Variants in TP63 observed in about 807,000 individuals in gnomAD.
TP63 encodes tumor protein p63.
Under a neutral mutation model 82.8 loss-of-function variants are expected in TP63, and 17 were observed. That is an observed-to-expected ratio of 0.21 (90% CI 0.14 to 0.31). The LOEUF is 0.31. Ranked by LOEUF, TP63 falls within the 10% of genes least tolerant of loss-of-function variation. The pLI is 1.00. For synonymous variants in TP63, 330 were observed against 321.7 expected, an observed-to-expected ratio of 1.03 and a Z score of -0.28; for missense variants, 648 against 895.3, an observed-to-expected ratio of 0.72 and a Z score of 3.52.
chr3:189,677,299 T>C (rs1715491857), intron 1 of TP63, among the ~76,000 whole-genome samples: 1 of 104,174 alleles, frequency 9.6e-6, no homozygotes, highest in Non-Finnish European at 2.3e-5. Flanking sequence ...ACTATATAAA[T>C]GTTTTATATA....
chr3:189,867,152 G>C (rs1262312212), intron 6 of TP63, among the ~76,000 whole-genome samples: 2 of 152,168 alleles, frequency 1.3e-5, no homozygotes, highest in African/African-American at 4.8e-5. Context: ...GTTACCATAA[G>C]TGGGAAAGCC....
At chr3:189,828,735 G>C (rs1577051082) in intron 4 of TP63, among the ~76,000 whole-genome samples, 1 of 152,238 alleles carries the variant, frequency 6.6e-6, no homozygotes, top group African/African-American at 2.4e-5. Context: ...TTGCTGCTTT[G>C]AGCTTCAGTT....
intron 10 of TP63, among the ~76,000 whole-genome samples, chr3:189,876,383 ATAATC>A (rs1257058362): frequency 2.0e-5 from 3 of 152,248 alleles, no homozygotes; most frequent in African/African-American, 7.2e-5. Flanking sequence ...ATTTCATAAA[ATAATC>A]TGTGTCCCCA....
At chr3:189,664,887 G>A (rs1420156358) in intron 1 of TP63, among the ~76,000 whole-genome samples, 1 of 152,116 alleles carries the variant, frequency 6.6e-6, no homozygotes, top group East Asian at 1.9e-4. Context: ...AGCTGGTGGG[G>A]AGACAGTGTT....
intron 1 of TP63, among the ~76,000 whole-genome samples, chr3:189,673,876 T>TA (rs1329329703): frequency 6.6e-6 from 1 of 152,148 alleles, no homozygotes; most frequent in Non-Finnish European, 1.5e-5. Flanking sequence ...GTAATTGGCA[T>TA]AAACCCTGAA....
At chr3:189,637,228 C>T (rs1170139607) in intron 1 of TP63, among the ~76,000 whole-genome samples, 1 of 151,944 alleles carries the variant, frequency 6.6e-6, no homozygotes, top group African/African-American at 2.4e-5. Flanking sequence ...TCCACATAGA[C>T]AGTGACCTCA....
intron 4 of TP63, among the ~76,000 whole-genome samples, chr3:189,825,358 A>G (rs1729228878): frequency 6.6e-6 from 1 of 152,224 alleles, no homozygotes; most frequent in South Asian, 2.1e-4. Context: ...AAAAATGGTT[A>G]TCAATATGAA....
chr3:189,622,267 A>G, the TP63 span, among the ~76,000 whole-genome samples: 1 of 152,246 alleles, frequency 6.6e-6, no homozygotes, highest in Non-Finnish European at 1.5e-5. Flanking sequence ...ACTGAGGGAC[A>G]TGTGCTGGAA....
intron 1 of TP63, among the ~76,000 whole-genome samples, chr3:189,729,513 A>G (rs1720007948): frequency 6.6e-6 from 1 of 152,230 alleles, no homozygotes; most frequent in African/African-American, 2.4e-5. Flanking sequence ...GAGTTTTTTA[A>G]GAATATTGGT....
intron 3 of TP63, among the ~76,000 whole-genome samples, chr3:189,744,217 C>A (rs139589416): frequency 6.6e-6 from 1 of 152,156 alleles, no homozygotes; most frequent in Admixed American, 6.5e-5. Context: ...TTTCATGTGC[C>A]TCAGGACAAA....
rs549741901 is a variant in TP63 at position 189,663,023 on chromosome 3, T to TC, written c.62+31446_62+31447insC. On this transcript the variant is annotated intron_variant, in intron 1 of 13. Transcript: ENST00000264731. The stretch of plus-strand genomic sequence containing the variant: ...TTCATAAGTGCTCTGAATTTTTTTT[T>TC]GCAAATTTAACTATTGCAAAATAAA... Among the ~76,000 whole-genome samples the TC allele has an allele frequency of 1.5e-3, 221 of 152,076 alleles. 2 individuals are homozygous for TC. The highest frequency in any genetic ancestry group is 4.8e-3 in the African/African-American group (200 of 41,548).
intron 3 of TP63, among the ~76,000 whole-genome samples, chr3:189,766,557 A>G (rs1722974276): frequency 6.6e-6 from 1 of 152,204 alleles, no homozygotes; most frequent in Non-Finnish European, 1.5e-5. Flanking sequence ...TTTCTCTAAC[A>G]TGCTGCCTCT....
chr3:189,802,147 G>A (rs1483816641), intron 3 of TP63, among the ~76,000 whole-genome samples: 1 of 152,202 alleles, frequency 6.6e-6, no homozygotes, highest in Non-Finnish European at 1.5e-5. Flanking sequence ...CTTAGGCAGT[G>A]CTTGTTGAAA....
At chr3:189,845,302 G>A (rs1159559170) in intron 4 of TP63, among the ~76,000 whole-genome samples, 4 of 152,150 alleles carry the variant, frequency 2.6e-5, no homozygotes, top group Non-Finnish European at 5.9e-5. Context: ...CTATCTTTTA[G>A]ATAACAGTGA....
chr3:189,887,547 A>C (rs916475514), intron 11 of TP63, among the ~76,000 whole-genome samples: 1 of 152,212 alleles, frequency 6.6e-6, no homozygotes, highest in Non-Finnish European at 1.5e-5. Context: ...CTTTACTATA[A>C]ATATAATTAT....
chr3:189,825,904 A>G (rs1340044464), intron 4 of TP63, among the ~76,000 whole-genome samples: 1 of 152,134 alleles, frequency 6.6e-6, no homozygotes, highest in Non-Finnish European at 1.5e-5. Context: ...TACAAGAAAG[A>G]TTGCTCTTCC....
chr3:189,761,673 T>G (rs1722582505), intron 3 of TP63, among the ~76,000 whole-genome samples: 1 of 152,228 alleles, frequency 6.6e-6, no homozygotes, highest in Non-Finnish European at 1.5e-5. Flanking sequence ...TCCACGTTTT[T>G]GGGTATCTTT....
chr3:189,846,080 T>C (rs1714825258), intron 4 of TP63, among the ~76,000 whole-genome samples: 1 of 152,118 alleles, frequency 6.6e-6, no homozygotes, highest in Non-Finnish European at 1.5e-5. Context: ...GTATGTCTAC[T>C]GAGGCAGGTG....
Position 189,867,816 on chromosome 3 carries a change from T to TTACC in TP63, c.883-16_883-13dup. ...TTAAACCCTTGTTAACACAGATTAT[T>TTACC]TACCCCTTGTTTTCAGGTTGGCACT... On this transcript the variant is annotated splice_polypyrimidine_tract_variant and intron_variant, in intron 6 of 13. Coordinates refer to ENST00000264731, the MANE Select transcript of TP63 (RefSeq NM_003722.5). The TTACC allele has an allele frequency of 6.2e-7, 1 of 1,608,034 alleles. No individual in the cohort carries two copies. Among genetic ancestry groups the TTACC allele is most frequent in the South Asian group, 1.1e-5 (1 of 90,904 alleles).
Sources: allele counts gnomAD v4.1 joint callset (sites outside exome capture counted in the v4.1 genomes callset), GRCh38; gene constraint gnomAD v4.1.1; transcripts MANE v1.5; gene names NCBI Gene and HGNC (gene_info 2026-07-23, HGNC 2026-07-21).